LRRN1: variants seen among roughly 807,000 people sequenced by gnomAD.
The protein encoded by LRRN1 is leucine-rich repeat neuronal protein 1.
A neutral mutation model predicts 45.8 loss-of-function variants in LRRN1; 14 were observed. The observed-to-expected ratio is 0.31, with a 90% CI of 0.20 to 0.48. The LOEUF (loss-of-function observed/expected upper bound fraction) is 0.48, where lower values mean the gene tolerates loss of function less well. Among genes scored for constraint, LRRN1 ranks in the 20% least tolerant of loss-of-function variants. The probability of loss-of-function intolerance (pLI) is 0.99; values close to 1 mark genes in which losing one functional copy is unlikely to be tolerated. For synonymous variants in LRRN1, 359 were observed against 330.1 expected, an observed-to-expected ratio of 1.09 and a Z score of -0.95; for missense variants, 789 against 874.2, an observed-to-expected ratio of 0.90 and a Z score of 1.23.
chr3:3,826,091 C>A (rs925638461), intron 1 of LRRN1, among the ~76,000 whole-genome samples: 2 of 152,086 alleles, frequency 1.3e-5, no homozygotes, highest in Non-Finnish European at 2.9e-5. Context: ...ACTACTGCTT[C>A]TTACTGTGTT....
At chr3:3,840,024 T>C (rs1044727602) in intron 1 of LRRN1, among the ~76,000 whole-genome samples, 1 of 152,188 alleles carries the variant, frequency 6.6e-6, no homozygotes, top group Non-Finnish European at 1.5e-5. Context: ...TGAATAGAAA[T>C]GGCAAGAATA....
intron 1 of LRRN1, among the ~76,000 whole-genome samples, chr3:3,820,293 A>C (rs1693075991): frequency 6.6e-6 from 1 of 152,196 alleles, no homozygotes; most frequent in East Asian, 1.9e-4. Flanking sequence ...TGCATTCAAC[A>C]GTCATTTTCG....
At chr3:3,823,345 C>T (rs1401428913) in intron 1 of LRRN1, among the ~76,000 whole-genome samples, 2 of 151,546 alleles carry the variant, frequency 1.3e-5, no homozygotes, top group African/African-American at 2.4e-5. Context: ...CATCTATTTC[C>T]TCAGTGTAAA....
chr3:3,847,663 T>C lies in LRRN1; in HGVS notation c.*871T>C, dbSNP rs927309048. On this transcript the variant is annotated 3_prime_UTR_variant, in exon 2 of 2. Transcript: ENST00000319331. ...CATTTATAGTTCTTGCTAGTTGCAG[T>C]GGTAATATTTTTCACATCCATAAAA... 2 of 166,952 alleles carry C rather than the reference T, an allele frequency of 1.2e-5. No individual in the cohort carries two copies. The highest frequency in any genetic ancestry group is 2.9e-5 in the Non-Finnish European group (2 of 68,110). The allele number at this position is 166,952 out of a possible 1,614,324, so 10.3% of individuals were successfully genotyped here. A position where few individuals can be genotyped will look rare whatever the true frequency, so the allele number is the denominator to read the frequency against.
chr3:3,809,439 C>T (rs749683603), intron 1 of LRRN1, among the ~76,000 whole-genome samples: 10 of 152,278 alleles, frequency 6.6e-5, no homozygotes, highest in South Asian at 2.1e-4. Context: ...CCACTGCCCC[C>T]GGCCATGAAA....
At chr3:3,819,001 T>C (rs1461018662) in intron 1 of LRRN1, among the ~76,000 whole-genome samples, 2 of 150,248 alleles carry the variant, frequency 1.3e-5, no homozygotes, top group Non-Finnish European at 3.0e-5. Context: ...ACTTTACTTT[T>C]ATTTTTTTTG....
Position 3,845,590 on chromosome 3 carries a change from C to T in LRRN1, c.949C>T (p.Leu317=), listed in dbSNP as rs760920115. The change falls in exon 2 of 2, where the codon CTG becomes TTG. Residue 317 remains leucine, a synonymous_variant. Coordinates refer to ENST00000319331, the MANE Select transcript of LRRN1 (RefSeq NM_020873.7). This position sits in a 1 kb window ranked among gnomAD's most constrained non-coding sequence, Gnocchi z 6.5. ...ALDNLPELTK[L]EATNNPKLSY... ...GGATAACTTGCCTGAACTCACAAAG[C>T]TGGAAGCCACCAATAACCCTAAACT... The T allele has an allele frequency of 8.1e-6, 13 of 1,614,036 alleles. No individual in the cohort carries two copies. In the Admixed American group the frequency reaches 1.7e-4, roughly 21 times the overall value.
In LRRN1 at chr3:3,819,506, G is replaced by C. The variant is rs541281511; in HGVS notation, c.-279+19587G>C. ...GCCTCTTAGCTTCTGGGGGTTTGCTGGCAAACTTTGGCATTCCTTTGTTTA... is the reference window on the plus strand; with the variant it reads ...GCCTCTTAGCTTCTGGGGGTTTGCTCGCAAACTTTGGCATTCCTTTGTTTA... On this transcript the variant is annotated intron_variant, in intron 1 of 1. Coordinates refer to ENST00000319331, the MANE Select transcript of LRRN1 (RefSeq NM_020873.7). 2.0e-5 allele frequency among the ~76,000 whole-genome samples: 3 copies of C among 152,216 alleles called. No homozygotes were observed. In the South Asian group the frequency reaches 6.2e-4, roughly 32 times the overall value.
chr3:3,802,123 T>C (rs940930326), intron 1 of LRRN1, among the ~76,000 whole-genome samples: 35 of 152,322 alleles, frequency 2.3e-4, no homozygotes, highest in Middle Eastern at 3.4e-3. Flanking sequence ...CAACCCTAGT[T>C]ACCCGAGTGG....
At position 3,846,864 on chromosome 3, in the gene LRRN1, A is replaced by C; in HGVS notation, c.*72A>C. The C allele has an allele frequency of 1.6e-6, 2 of 1,255,004 alleles. No homozygotes were observed. Among genetic ancestry groups the C allele is most frequent in the South Asian group, 3.1e-5 (2 of 65,502 alleles). 77.7% of individuals were successfully genotyped at this position (1,255,004 alleles called of 1,614,324 possible). On this transcript the variant is annotated 3_prime_UTR_variant, in exon 2 of 2. Coordinates refer to ENST00000319331, the MANE Select transcript of LRRN1 (RefSeq NM_020873.7). The surrounding 1 kb of genome is among the most constrained non-coding windows in gnomAD (Gnocchi z 5.7). ...TTGCTTTATTCTGCAAAAGTGAACA[A>C]GTTGAAGACTTTTGTATTTTTGACT... is the stretch of plus-strand genomic sequence containing the variant.
chr3:3,841,834 A>G (rs1025772441), intron 1 of LRRN1, among the ~76,000 whole-genome samples: 2 of 152,160 alleles, frequency 1.3e-5, no homozygotes, highest in Non-Finnish European at 2.9e-5. Flanking sequence ...TTTTCATTTC[A>G]TAGAATTTCC....
At chr3:3,824,095 C>T (rs192186364) in intron 1 of LRRN1, among the ~76,000 whole-genome samples, 1 of 152,208 alleles carries the variant, frequency 6.6e-6, no homozygotes, top group Non-Finnish European at 1.5e-5. Flanking sequence ...CAGAACCAGA[C>T]AGCATTCAGG....
At chr3:3,808,315 G>A (rs759106970) in intron 1 of LRRN1, among the ~76,000 whole-genome samples, 1 of 152,138 alleles carries the variant, frequency 6.6e-6, no homozygotes, top group Non-Finnish European at 1.5e-5. Flanking sequence ...CACCTTATGT[G>A]CATTAACTCC....
intron 1 of LRRN1, among the ~76,000 whole-genome samples, chr3:3,814,374 G>T (rs1464510480): frequency 6.6e-6 from 1 of 151,394 alleles, no homozygotes; most frequent in Admixed American, 6.6e-5. Flanking sequence ...TGTGCCCCAG[G>T]AATCAGATGT....
intron 1 of LRRN1, among the ~76,000 whole-genome samples, chr3:3,810,050 C>T (rs1467108976): frequency 1.3e-5 from 2 of 152,086 alleles, no homozygotes; most frequent in African/African-American, 4.8e-5. Context: ...TTATGTTTGT[C>T]TAGACATGAG....
intron 1 of LRRN1, among the ~76,000 whole-genome samples, chr3:3,829,947 C>T (rs1249688335): frequency 6.6e-6 from 1 of 152,114 alleles, no homozygotes; most frequent in Non-Finnish European, 1.5e-5. Context: ...GGTGCTTTAT[C>T]GAGGGCTCAG....
intron 1 of LRRN1, among the ~76,000 whole-genome samples, chr3:3,813,405 T>C (rs543229196): frequency 6.6e-6 from 1 of 152,338 alleles, no homozygotes; most frequent in African/African-American, 2.4e-5. Flanking sequence ...TATTGACTTA[T>C]AAGTAAATTT....
At chr3:3,843,000 T>C (rs1693679699) in intron 1 of LRRN1, among the ~76,000 whole-genome samples, 1 of 152,230 alleles carries the variant, frequency 6.6e-6, no homozygotes, top group Non-Finnish European at 1.5e-5. Flanking sequence ...TTCTTTTACT[T>C]GTCATCTGAC....
At chr3:3,801,907 C>T (rs1405906787) in intron 1 of LRRN1, among the ~76,000 whole-genome samples, 1 of 152,208 alleles carries the variant, frequency 6.6e-6, no homozygotes, top group Non-Finnish European at 1.5e-5. Flanking sequence ...CTCAACTTTT[C>T]GAGTTTTCTT....
Sources: allele counts gnomAD v4.1 joint callset (sites outside exome capture counted in the v4.1 genomes callset), GRCh38; gene constraint gnomAD v4.1.1; non-coding constraint Gnocchi (gnomAD v3.1); transcripts MANE v1.5; gene names NCBI Gene and HGNC (gene_info 2026-07-23, HGNC 2026-07-21).